The following SEC11A variants were observed in gnomAD, a reference collection of about 807,000 sequenced individuals.
The protein encoded by SEC11A is SEC11 homolog A, signal peptidase complex subunit.
SEC11A carries 14 observed loss-of-function variants against 25.6 expected under a neutral mutation model. The observed-to-expected ratio is 0.55, with a 90% CI of 0.36 to 0.85. The LOEUF (loss-of-function observed/expected upper bound fraction) is 0.85, where lower values mean the gene tolerates loss of function less well. Among genes scored for constraint, SEC11A ranks in the 40% least tolerant of loss-of-function variants. The pLI is 0.01. For synonymous variants in SEC11A, 83 were observed against 76.4 expected (o/e 1.09, Z -0.45); for missense variants, 153 against 222.9 (o/e 0.69, Z 2.00).
intron 1 of SEC11A, chr15:84,691,900 CAT>C (rs1897619187): frequency 3.7e-6 from 1 of 270,020 alleles, no homozygotes; most frequent in African/African-American, 2.2e-5. Flanking sequence ...ATTTTAAGAA[CAT>C]TTCACACAAG....
At chr15:84,683,162 GT>G (rs1424782004) in intron 3 of SEC11A, among the ~76,000 whole-genome samples, 1 of 152,158 alleles carries the variant, frequency 6.6e-6, no homozygotes, top group African/African-American at 2.4e-5. Flanking sequence ...ATTCTGAAGG[GT>G]AAAAGAGGAC....
chr15:84,694,422 T>G (rs1247994004), intron 1 of SEC11A, among the ~76,000 whole-genome samples: 2 of 152,188 alleles, frequency 1.3e-5, no homozygotes, highest in Admixed American at 6.5e-5. Context: ...TAGGCAATTC[T>G]TATTTATTTC....
intron 4 of SEC11A, chr15:84,673,033 A>G (rs4280214): frequency 0.85 from 156,577 of 184,946 alleles, 66,605 homozygotes; most frequent in African/African-American, 0.94. Flanking sequence ...CCCGGCAGCC[A>G]CCCCATCTGA....
intron 5 of SEC11A, chr15:84,670,431 G>T (rs1389892254): frequency 1.5e-5 from 4 of 271,200 alleles, no homozygotes; most frequent in African/African-American, 2.3e-5. Flanking sequence ...TAAAGACAGG[G>T]TTTTGTCATA....
intron 4 of SEC11A, among the ~76,000 whole-genome samples, chr15:84,679,758 C>T (rs967469317): frequency 3.3e-5 from 5 of 152,176 alleles, no homozygotes; most frequent in African/African-American, 1.2e-4. Context: ...GTTTCCTCAT[C>T]TGTAGAATGG....
chr15:84,677,703 G>C (rs899283637), intron 4 of SEC11A, among the ~76,000 whole-genome samples: 1 of 152,176 alleles, frequency 6.6e-6, no homozygotes, highest in African/African-American at 2.4e-5. Flanking sequence ...TCGATCTCCT[G>C]ACCTTGTGAT....
chr15:84,690,542 G>A (rs904732522), intron 2 of SEC11A, among the ~76,000 whole-genome samples: 4 of 152,116 alleles, frequency 2.6e-5, no homozygotes, highest in East Asian at 1.9e-4. Flanking sequence ...CCTTGAGACC[G>A]GTAGGTGGAG....
chr15:84,701,792 G>A (rs1380315444), intron 1 of SEC11A, among the ~76,000 whole-genome samples: 2 of 152,084 alleles, frequency 1.3e-5, no homozygotes, highest in Non-Finnish European at 2.9e-5. Context: ...GATTTTGGCC[G>A]GGCACAGTGG....
At chr15:84,671,209 G>A (rs533113735) in intron 4 of SEC11A, 1 of 153,066 alleles carries the variant, frequency 6.5e-6, no homozygotes, top group Non-Finnish European at 1.5e-5. Context: ...CAAAAAGTGA[G>A]TGTAAGAGCT....
At position 84,670,960 on chromosome 15, in the gene SEC11A, T is replaced by C. The variant is rs1896968498; in HGVS notation, c.432-178A>G. 10 of 454,572 alleles carry C rather than the reference T, an allele frequency of 2.2e-5. No homozygotes were observed. The South Asian group carries it at 3.4e-4, about 15-fold the overall frequency. 28.2% of individuals were successfully genotyped at this position (454,572 alleles called of 1,614,324 possible). On this transcript the variant is annotated intron_variant, in intron 4 of 5. Coordinates refer to ENST00000268220, the MANE Select transcript of SEC11A (RefSeq NM_014300.4). ...CCAAGTGATAGGAAAGTTAGGAATA[T>C]CACCATTTTAGAGATGAGGAAACAG...
At chr15:84,686,184 T>A (rs996152854) in intron 3 of SEC11A, among the ~76,000 whole-genome samples, 1 of 152,340 alleles carries the variant, frequency 6.6e-6, no homozygotes, top group South Asian at 2.1e-4. Flanking sequence ...TCCACATACA[T>A]ACTGATATCT....
intron 1 of SEC11A, among the ~76,000 whole-genome samples, chr15:84,700,869 A>G (rs1567042123): frequency 6.6e-6 from 1 of 151,214 alleles, no homozygotes. Flanking sequence ...AATCCCAGCT[A>G]CTAGGGAGGC....
chr15:84,701,063 G>C (rs1897925122), intron 1 of SEC11A, among the ~76,000 whole-genome samples: 1 of 145,684 alleles, frequency 6.9e-6, no homozygotes, highest in African/African-American at 2.6e-5. Context: ...GAAATAAACA[G>C]CAGACAGGTG....
In SEC11A at chr15:84,691,457, A is replaced by G. The variant is rs568000789; in HGVS notation, c.161+78T>C. On this transcript the variant is annotated intron_variant, in intron 2 of 5. Transcript: ENST00000268220. ...AAAGAGTAGTTTCTAAGAGAATGAT[A>G]TGCCAGTTATTTCATATCTCAATTT... 2.6e-5 allele frequency: 20 copies of G among 771,338 alleles called. No homozygotes were observed. In the South Asian group the frequency reaches 3.1e-4, roughly 12 times the overall value. The allele number at this position is 771,338 out of a possible 1,614,324, so 47.8% of individuals were successfully genotyped here. A position where few individuals can be genotyped will look rare whatever the true frequency, so the allele number is the denominator to read the frequency against.
At chr15:84,670,221 A>G (rs1896946507) in intron 5 of SEC11A, 152 bp from the exon 6 acceptor site, 3 of 593,306 alleles carry the variant, frequency 5.1e-6, no homozygotes, top group South Asian at 6.4e-5. Flanking sequence ...AAAGTTTCCA[A>G]TACTAAGCAA....
At chr15:84,689,029 CAAAAAAAA>C (rs71453259) in intron 2 of SEC11A, among the ~76,000 whole-genome samples, 1 of 95,142 alleles carries the variant, frequency 1.1e-5, no homozygotes, top group Non-Finnish European at 2.1e-5. Context: ...GACTCTGTCT[CAAAAAAAA>C]AAAAAAAAGA....
Position 84,715,165 on chromosome 15 carries a change from A to G in SEC11A, c.51+860T>C, listed in dbSNP as rs183591749. Among the ~76,000 whole-genome samples the G allele has an allele frequency of 3.9e-5, 6 of 152,268 alleles. No individual in the cohort carries two copies. In the East Asian group the frequency reaches 1.2e-3, roughly 29 times the overall value. Reference sequence around the variant, plus strand: ...AAAAATGCAAGTCCAAGGAAAAAAAATCCTTAATGGTGACATCAGGATAAT... The same window carrying G: ...AAAAATGCAAGTCCAAGGAAAAAAAGTCCTTAATGGTGACATCAGGATAAT... On this transcript the variant is annotated intron_variant, in intron 1 of 5. Transcript: ENST00000268220.
chr15:84,670,857 A>C (rs1033634948), intron 4 of SEC11A, 75 bp from the exon 5 acceptor site: 9 of 656,430 alleles, frequency 1.4e-5, no homozygotes. Flanking sequence ...GAATATTATC[A>C]ATATCTTCTA....
chr15:84,705,436 A>G (rs138464891), intron 1 of SEC11A, among the ~76,000 whole-genome samples: 441 of 152,254 alleles, frequency 2.9e-3, no homozygotes, highest in African/African-American at 8.9e-3. Flanking sequence ...GTTGTATATG[A>G]TCTGAACTGA....
Sources: allele counts gnomAD v4.1 joint callset (sites outside exome capture counted in the v4.1 genomes callset), GRCh38; gene constraint gnomAD v4.1.1; transcripts MANE v1.5; gene names NCBI Gene and HGNC (gene_info 2026-07-23, HGNC 2026-07-21).